The following SEMA3C variants were observed in gnomAD, a reference collection of about 807,000 sequenced individuals.
The protein encoded by SEMA3C is semaphorin-3C.
In SEMA3C, 47 loss-of-function variants were observed where a neutral mutation model predicts 89.4. The observed-to-expected ratio is 0.53, with a 90% CI of 0.42 to 0.67. The LOEUF is 0.67. Ranked by LOEUF, SEMA3C falls within the 30% of genes least tolerant of loss-of-function variation. SEMA3C has a pLI of 0.00. For synonymous variants in SEMA3C, 310 were observed against 320.2 expected, an observed-to-expected ratio of 0.97 and a Z score of 0.34; for missense variants, 839 against 929.1, an observed-to-expected ratio of 0.90 and a Z score of 1.26.
chr7:80,821,370 T>C (rs1472561599), intron 4 of SEMA3C, among the ~76,000 whole-genome samples: 2 of 152,204 alleles, frequency 1.3e-5, no homozygotes, highest in African/African-American at 4.8e-5. Flanking sequence ...TTGAATCCTG[T>C]ACTTTTAGCT....
intron 2 of SEMA3C, among the ~76,000 whole-genome samples, chr7:80,848,897 A>G (rs1790448865): frequency 6.6e-6 from 1 of 152,150 alleles, no homozygotes; most frequent in African/African-American, 2.4e-5. Flanking sequence ...TAAAATTTAG[A>G]TAGAAAAATT....
intron 2 of SEMA3C, among the ~76,000 whole-genome samples, chr7:80,863,799 G>GATATATATGTGATAC (rs1790839064): frequency 1.7e-5 from 2 of 115,434 alleles, no homozygotes; most frequent in African/African-American, 4.3e-5. Flanking sequence ...TATTCCATCT[G>GATATATATGTGATAC]ATATATATGT....
chr7:80,857,411 A>G (rs57696953), intron 2 of SEMA3C, among the ~76,000 whole-genome samples: 1 of 152,330 alleles, frequency 6.6e-6, no homozygotes, highest in African/African-American at 2.4e-5. Flanking sequence ...AGAAATTACA[A>G]AAACGAGAAA....
chr7:80,852,476 C>T (rs772475759), intron 2 of SEMA3C, among the ~76,000 whole-genome samples: 2 of 152,036 alleles, frequency 1.3e-5, no homozygotes, highest in African/African-American at 4.8e-5. Flanking sequence ...TAAGCAAAAA[C>T]GGGATCATCT....
chr7:80,888,389 G>C (rs1322503249), intron 2 of SEMA3C, among the ~76,000 whole-genome samples: 1 of 152,112 alleles, frequency 6.6e-6, no homozygotes, highest in Non-Finnish European at 1.5e-5. Flanking sequence ...CCTAAGCCCA[G>C]GGAGGTAGAG....
At chr7:80,828,490 C>G (rs1789931601) in intron 3 of SEMA3C, 95 bp downstream of exon 3, 1 of 1,005,542 alleles carries the variant, frequency 9.9e-7, no homozygotes, top group Admixed American at 2.7e-5. Context: ...TTCTATTGTT[C>G]TAATAAAATG....
At chr7:80,869,127 C>A (rs1369377243) in intron 2 of SEMA3C, among the ~76,000 whole-genome samples, 1 of 152,060 alleles carries the variant, frequency 6.6e-6, no homozygotes, top group Non-Finnish European at 1.5e-5. Context: ...TCCTGGTGTT[C>A]CAAATCAGCA....
At chr7:80,820,795 G>A (rs1257125738) in intron 4 of SEMA3C, among the ~76,000 whole-genome samples, 1 of 152,104 alleles carries the variant, frequency 6.6e-6, no homozygotes, top group Non-Finnish European at 1.5e-5. Context: ...ATATGTCTAT[G>A]TAAAGGGAAT....
chr7:80,800,284 G>A lies in SEMA3C; in HGVS notation c.986+473C>T, dbSNP rs573011318. ...GCGTAATTGTTTCCAGCTTTCCTAA[G>A]GTATAATTGGTATACAAAAAAATAC... On this transcript the variant is annotated intron_variant, in intron 10 of 17. Coordinates refer to ENST00000265361, the MANE Select transcript of SEMA3C (RefSeq NM_006379.5). 1.3e-3 allele frequency among the ~76,000 whole-genome samples: 200 copies of A among 151,992 alleles called. 1 individual carries two copies. The highest frequency in any genetic ancestry group is 4.2e-3 in the African/African-American group (174 of 41,462).
rs1792344776 is a variant in SEMA3C, at chr7:80,918,991, C to A, written c.-202G>T. 1.6e-5 allele frequency: 16 copies of A among 985,262 alleles called. No individual in the cohort carries two copies. In the Admixed American group the frequency reaches 4.9e-4, roughly 30 times the overall value. 61.0% of individuals were successfully genotyped at this position (985,262 alleles called of 1,614,324 possible). A position where few individuals can be genotyped will look rare whatever the true frequency, so the allele number is the denominator to read the frequency against. On this transcript the variant is annotated 5_prime_UTR_variant, in exon 1 of 18. Transcript: ENST00000265361. ...GAGTTTCTTTGTAAAGGAATCTCAG[C>A]GCTGCAGTGCCGCGGCACCCGGAGC... is the stretch of plus-strand genomic sequence containing the variant.
chr7:80,800,711 T>C (rs753236172), intron 10 of SEMA3C, 46 bp downstream of exon 10: 2 of 1,129,686 alleles, frequency 1.8e-6, no homozygotes, highest in South Asian at 2.8e-5. Context: ...TGTTACTCCA[T>C]GAAGTTTATT....
At chr7:80,832,511 G>A (rs1227835018) in intron 2 of SEMA3C, among the ~76,000 whole-genome samples, 3 of 152,148 alleles carry the variant, frequency 2.0e-5, no homozygotes, top group Admixed American at 2.0e-4. Context: ...TAGCCAGTGA[G>A]TGTTTTAAAT....
At chr7:80,804,727 T>C (rs1029365297) in intron 7 of SEMA3C, among the ~76,000 whole-genome samples, 29 of 152,130 alleles carry the variant, frequency 1.9e-4, no homozygotes, top group African/African-American at 6.5e-4. Flanking sequence ...TTTGGAGACA[T>C]ACAGGGTTTC....
intron 12 of SEMA3C, among the ~76,000 whole-genome samples, chr7:80,765,818 G>C (rs1051245347): frequency 1.3e-5 from 2 of 152,078 alleles, no homozygotes; most frequent in South Asian, 2.1e-4. Flanking sequence ...ATCTCATGAT[G>C]CGCCCACCTT....
chr7:80,889,484 C>A (rs1331174117), intron 2 of SEMA3C, among the ~76,000 whole-genome samples: 1 of 151,980 alleles, frequency 6.6e-6, no homozygotes, highest in African/African-American at 2.4e-5. Context: ...CAACACATTC[C>A]TGTGAAAGAC....
At chr7:80,895,683 T>G (rs1034079661) in intron 2 of SEMA3C, among the ~76,000 whole-genome samples, 1 of 152,188 alleles carries the variant, frequency 6.6e-6, no homozygotes, top group Non-Finnish European at 1.5e-5. Context: ...ACATGTCATC[T>G]ATTAATTATC....
chr7:80,791,634 C>T (rs1460422125), intron 11 of SEMA3C, among the ~76,000 whole-genome samples: 3 of 152,168 alleles, frequency 2.0e-5, no homozygotes, highest in Non-Finnish European at 4.4e-5. Flanking sequence ...CAGCTGACTG[C>T]TTCTAAGCAG....
intron 15 of SEMA3C, among the ~76,000 whole-genome samples, chr7:80,756,410 T>C (rs910848434): frequency 5.5e-4 from 83 of 152,222 alleles, no homozygotes; most frequent in African/African-American, 1.8e-3. Context: ...CCTCCTGTCA[T>C]GCAGCTTCTG....
intron 2 of SEMA3C, among the ~76,000 whole-genome samples, chr7:80,882,368 G>A (rs1322680177): frequency 1.4e-5 from 2 of 147,436 alleles, no homozygotes; most frequent in African/African-American, 2.5e-5. Flanking sequence ...ACTGTATAGC[G>A]CTGAGTGAAA....
Sources: gnomAD v4.1 joint callset for allele counts (sites outside exome capture counted in the v4.1 genomes callset) on GRCh38, gnomAD v4.1.1 for gene constraint, MANE v1.5 for transcripts, NCBI Gene and HGNC (gene_info 2026-07-23, HGNC 2026-07-21) for gene names.